HPSE2: variants seen among roughly 807,000 people sequenced by gnomAD.
HPSE2 encodes inactive heparanase-2.
HPSE2 carries 38 observed loss-of-function variants against 60.5 expected under a neutral mutation model. The observed-to-expected ratio is 0.63, with a 90% CI of 0.48 to 0.82. The LOEUF is 0.82. HPSE2 is among the 40% of genes least tolerant of loss of function. HPSE2 has a pLI of 0.00. For synonymous variants in HPSE2, 295 were observed against 293.2 expected, an observed-to-expected ratio of 1.01 and a Z score of -0.06; for missense variants, 713 against 740.4, an observed-to-expected ratio of 0.96 and a Z score of 0.43.
intron 3 of HPSE2, among the ~76,000 whole-genome samples, chr10:98,782,464 CCAAT>C (rs1008032705): frequency 1.5e-5 from 2 of 136,720 alleles, no homozygotes; most frequent in Non-Finnish European, 3.1e-5. Flanking sequence ...CAATAAAATC[CCAAT>C]CAATTTCCCA....
chr10:99,175,864 C>T (rs1847506806), intron 2 of HPSE2, among the ~76,000 whole-genome samples: 1 of 152,176 alleles, frequency 6.6e-6, no homozygotes, highest in Non-Finnish European at 1.5e-5. Context: ...ACACCTCATA[C>T]AGGAGAGATC....
intron 6 of HPSE2, among the ~76,000 whole-genome samples, chr10:98,645,204 CT>C (rs1946736078): frequency 6.6e-6 from 1 of 152,204 alleles, no homozygotes; most frequent in South Asian, 2.1e-4. Flanking sequence ...ATGAAAGATA[CT>C]GTCTGACATA....
intron 9 of HPSE2, among the ~76,000 whole-genome samples, chr10:98,609,864 CAG>C (rs1340037375): frequency 8.1e-6 from 1 of 123,434 alleles, no homozygotes; most frequent in African/African-American, 3.3e-5. Context: ...TTTTTTGAGA[CAG>C]AGTCTCACTC....
At chr10:99,015,102 T>C (rs1023148237) in intron 3 of HPSE2, among the ~76,000 whole-genome samples, 3 of 151,898 alleles carry the variant, frequency 2.0e-5, no homozygotes, top group African/African-American at 7.3e-5. Flanking sequence ...GAAATGCAAA[T>C]CAAAACCACA....
At chr10:99,227,949 G>T (rs569477540) in intron 2 of HPSE2, among the ~76,000 whole-genome samples, 2 of 150,602 alleles carry the variant, frequency 1.3e-5, no homozygotes, top group South Asian at 2.1e-4. Flanking sequence ...GGCAGAAGGA[G>T]CCAAAAGAAA....
chr10:99,003,605 T>A (rs1323011412), intron 3 of HPSE2, among the ~76,000 whole-genome samples: 1 of 152,164 alleles, frequency 6.6e-6, no homozygotes, highest in Non-Finnish European at 1.5e-5. Flanking sequence ...CATTTTTGTA[T>A]GCCTGTTGGC....
At chr10:98,743,792 A>T in intron 4 of HPSE2, 91 bp downstream of exon 4, 1 of 1,156,342 alleles carries the variant, frequency 8.6e-7, no homozygotes, top group South Asian at 1.2e-5. Context: ...GGGCCAGGGT[A>T]CTAGAGATGG....
chr10:98,575,492 G>T (rs1944616692), intron 9 of HPSE2, among the ~76,000 whole-genome samples: 1 of 152,252 alleles, frequency 6.6e-6, no homozygotes, highest in Admixed American at 6.5e-5. Flanking sequence ...AACAGTCATA[G>T]TAATAGTGAT....
At chr10:99,020,531 T>C (rs901565554) in intron 3 of HPSE2, among the ~76,000 whole-genome samples, 4 of 152,214 alleles carry the variant, frequency 2.6e-5, no homozygotes, top group African/African-American at 7.2e-5. Context: ...GGCAGTCTCA[T>C]AGCAGCTTCT....
chr10:99,137,527 T>C (rs551962056), intron 3 of HPSE2, among the ~76,000 whole-genome samples: 1 of 152,306 alleles, frequency 6.6e-6, no homozygotes, highest in Non-Finnish European at 1.5e-5. Flanking sequence ...AACAGCATGG[T>C]ACTGGTACCA....
At position 98,871,445 on chromosome 10, in the gene HPSE2, T is replaced by C. The variant is rs532802614; in HGVS notation, c.611-127389A>G. ...GGATACTGGCTTAAAAAAAACTGTA[T>C]ACTTTTAGCTAAAATTTCTTGGCTT... On this transcript the variant is annotated intron_variant, in intron 3 of 11. Transcript: ENST00000370552. Among the ~76,000 whole-genome samples, 5 of 152,160 alleles carry C rather than the reference T, an allele frequency of 3.3e-5. No individual in the cohort carries two copies. The South Asian group carries it at 1.0e-3, about 32-fold the overall frequency.
intron 3 of HPSE2, among the ~76,000 whole-genome samples, chr10:99,117,307 A>G (rs1844734416): frequency 6.6e-6 from 1 of 150,576 alleles, no homozygotes; most frequent in South Asian, 2.1e-4. Context: ...GAGAAAACCA[A>G]CTCTAAAGCT....
At chr10:98,540,061 A>G (rs1024408715) in intron 9 of HPSE2, among the ~76,000 whole-genome samples, 2 of 152,248 alleles carry the variant, frequency 1.3e-5, no homozygotes, top group Non-Finnish European at 2.9e-5. Context: ...ATTTCTGCAC[A>G]TAGAAATAAA....
At chr10:99,295,950 C>T in the HPSE2 span, among the ~76,000 whole-genome samples, 1 of 152,158 alleles carries the variant, frequency 6.6e-6, no homozygotes, top group Non-Finnish European at 1.5e-5. Context: ...GACAACACTG[C>T]CTCCAAAAAG....
At chr10:98,869,176 T>A (rs2134820683) in intron 3 of HPSE2, among the ~76,000 whole-genome samples, 1 of 152,318 alleles carries the variant, frequency 6.6e-6, no homozygotes, top group Admixed American at 6.5e-5. Context: ...TTTGGTCAGT[T>A]TTTAAGAAAG....
At chr10:99,029,411 C>G (rs373231659) in intron 3 of HPSE2, among the ~76,000 whole-genome samples, 5 of 152,160 alleles carry the variant, frequency 3.3e-5, no homozygotes, top group Admixed American at 6.5e-5. Flanking sequence ...CAGCTGGGCC[C>G]GGGGGACCAC....
chr10:98,556,678 A>G (rs1366818218), intron 9 of HPSE2, among the ~76,000 whole-genome samples: 1 of 152,232 alleles, frequency 6.6e-6, no homozygotes, highest in Admixed American at 6.5e-5. Context: ...AAATAAATGA[A>G]GGGATTTACC....
chr10:98,487,973 T>C (rs893495241), intron 10 of HPSE2, among the ~76,000 whole-genome samples: 4 of 152,224 alleles, frequency 2.6e-5, no homozygotes, highest in East Asian at 1.9e-4. Context: ...ATGAATCTAA[T>C]AGGAACAAAA....
intron 3 of HPSE2, among the ~76,000 whole-genome samples, chr10:98,846,819 G>A (rs1329429191): frequency 6.6e-6 from 1 of 152,082 alleles, no homozygotes; most frequent in East Asian, 1.9e-4. Context: ...GAATATTCTT[G>A]CCTCAGCCTT....
Sources: allele counts gnomAD v4.1 joint callset (sites outside exome capture counted in the v4.1 genomes callset), GRCh38; gene constraint gnomAD v4.1.1; transcripts MANE v1.5; gene names NCBI Gene and HGNC (gene_info 2026-07-23, HGNC 2026-07-21).